Variants in IL1RAPL2 observed in about 807,000 individuals in gnomAD.
The protein encoded by IL1RAPL2 is X-linked interleukin-1 receptor accessory protein-like 2.
IL1RAPL2 carries 3 observed loss-of-function variants against 44.1 expected under a neutral mutation model. That is an observed-to-expected ratio of 0.07 (90% CI 0.03 to 0.18). The LOEUF is 0.18. IL1RAPL2 is among the 10% of genes least tolerant of loss of function. The pLI is 1.00. For synonymous variants in IL1RAPL2, 181 were observed against 178.8 expected (o/e 1.01, Z -0.10); for missense variants, 391 against 496.4 (o/e 0.79, Z 2.02).
At chrX:105,400,954 C>T (rs946811063) in intron 5 of IL1RAPL2, among the ~76,000 whole-genome samples, 1 of 111,799 alleles carries the variant, frequency 8.9e-6, no homozygotes, top group Non-Finnish European at 1.9e-5. Context: ...AAATCTGATA[C>T]TGAGGTACCA....
chrX:105,179,362 T>C (rs1363684435), intron 2 of IL1RAPL2, among the ~76,000 whole-genome samples: 1 of 112,299 alleles, frequency 8.9e-6, no homozygotes, highest in Non-Finnish European at 1.9e-5. Flanking sequence ...TCTATTTGTA[T>C]ACCAGTGTCA....
At chrX:105,016,297 C>T (rs1032944184) in intron 2 of IL1RAPL2, among the ~76,000 whole-genome samples, 4 of 111,248 alleles carry the variant, frequency 3.6e-5, no homozygotes, top group African/African-American at 1.3e-4. Context: ...TGATTGAATA[C>T]CCTTTATTTC....
intron 2 of IL1RAPL2, among the ~76,000 whole-genome samples, chrX:104,775,039 G>A (rs929681940): frequency 1.8e-5 from 2 of 112,234 alleles, no homozygotes; most frequent in South Asian, 3.7e-4. Flanking sequence ...AATGTGCACC[G>A]AGTGTCAGCA....
chrX:105,162,248 A>C (rs2033332485), intron 2 of IL1RAPL2, among the ~76,000 whole-genome samples: 1 of 112,087 alleles, frequency 8.9e-6, no homozygotes, highest in Non-Finnish European at 1.9e-5. Flanking sequence ...TCTACCATCC[A>C]TGACTGCTGT....
At chrX:104,744,540 T>C (rs1365481462) in intron 2 of IL1RAPL2, among the ~76,000 whole-genome samples, 3 of 111,431 alleles carry the variant, frequency 2.7e-5, no homozygotes, top group African/African-American at 9.8e-5. Flanking sequence ...CAGTATATGC[T>C]ATTTATTCAT....
intron 2 of IL1RAPL2, among the ~76,000 whole-genome samples, chrX:104,792,973 T>G (rs1384417721): frequency 8.9e-6 from 1 of 112,320 alleles, no homozygotes; most frequent in Non-Finnish European, 1.9e-5. Context: ...CAAAATTTAT[T>G]AAAAGTTTGA....
chrX:104,631,466 G>C (rs1929648119), intron 1 of IL1RAPL2, among the ~76,000 whole-genome samples: 2 of 111,337 alleles, frequency 1.8e-5, no homozygotes, highest in South Asian at 3.8e-4. Context: ...CAGTGTAAAA[G>C]TGTTCCTATT....
At position 105,651,594 on chromosome X, in the gene IL1RAPL2, C is replaced by T. The variant is rs193072835; in HGVS notation, c.773-65773C>T. Among the ~76,000 whole-genome samples, 4 of 111,611 alleles carry T rather than the reference C, an allele frequency of 3.6e-5. No individual in the cohort carries two copies. The East Asian group carries it at 1.1e-3, about 32-fold the overall frequency. On this transcript the variant is annotated intron_variant, in intron 6 of 10. Transcript: ENST00000372582. Reference sequence around the variant, plus strand: ...TTTGCACTATGTCCCCCAAGGTGCTCATTTTACAATGTGCTATTTGCATTA... The same window carrying T: ...TTTGCACTATGTCCCCCAAGGTGCTTATTTTACAATGTGCTATTTGCATTA...
intron 5 of IL1RAPL2, among the ~76,000 whole-genome samples, chrX:105,355,641 G>C (rs999745041): frequency 2.7e-5 from 3 of 111,092 alleles, no homozygotes; most frequent in African/African-American, 9.8e-5. Context: ...GCACATAGTA[G>C]GTACTCAATA....
intron 5 of IL1RAPL2, among the ~76,000 whole-genome samples, chrX:105,381,398 T>G (rs1203156258): frequency 8.9e-6 from 1 of 111,771 alleles, no homozygotes; most frequent in Non-Finnish European, 1.9e-5. Context: ...TTGGTTATAA[T>G]GCTGAAAACA....
chrX:105,129,337 G>A (rs2033005621), intron 2 of IL1RAPL2, among the ~76,000 whole-genome samples: 1 of 110,528 alleles, frequency 9.0e-6, no homozygotes, highest in African/African-American at 3.3e-5. Flanking sequence ...ACTTTTATAA[G>A]GGCACTAATC....
intron 6 of IL1RAPL2, among the ~76,000 whole-genome samples, chrX:105,684,492 G>A (rs955726289): frequency 3.6e-5 from 4 of 112,519 alleles, no homozygotes; most frequent in East Asian, 2.8e-4. Flanking sequence ...GGCGTCTGCC[G>A]TTGCTGAGGC....
At chrX:104,594,411 T>G (rs1371362348) in intron 1 of IL1RAPL2, among the ~76,000 whole-genome samples, 1 of 111,716 alleles carries the variant, frequency 9.0e-6, no homozygotes, top group Non-Finnish European at 1.9e-5. Context: ...TTGTTTCCAT[T>G]GGTGCTGTCT....
intron 5 of IL1RAPL2, among the ~76,000 whole-genome samples, chrX:105,335,507 A>C (rs773037235): frequency 1.8e-5 from 2 of 110,830 alleles, no homozygotes; most frequent in African/African-American, 3.3e-5. Flanking sequence ...CTCTTGGCCT[A>C]CTCATTTCAA....
At chrX:105,631,489 A>G (rs754907367) in intron 6 of IL1RAPL2, among the ~76,000 whole-genome samples, 3 of 112,618 alleles carry the variant, frequency 2.7e-5, no homozygotes, top group Non-Finnish European at 3.8e-5. Flanking sequence ...TACTTTTCTC[A>G]GAACACAACC....
intron 6 of IL1RAPL2, among the ~76,000 whole-genome samples, chrX:105,716,947 G>A (rs1367418196): frequency 9.0e-6 from 1 of 111,642 alleles, no homozygotes; most frequent in Non-Finnish European, 1.9e-5. Flanking sequence ...AAAATAAACA[G>A]TTTTAAAACC....
rs768591456 is a variant in IL1RAPL2, at chrX:105,370,485, T to C, written c.697+102944T>C. 8.0e-5 allele frequency among the ~76,000 whole-genome samples: 9 copies of C among 112,157 alleles called. No homozygotes were observed. The South Asian group carries it at 3.3e-3, about 42-fold the overall frequency. On this transcript the variant is annotated intron_variant, in intron 5 of 10. Transcript: ENST00000372582. The stretch of plus-strand genomic sequence containing the variant: ...AGTGAGAACATGTGGTATTTGGTTT[T>C]CTTTTCTTGTATTAATTTACTTAGG...
intron 2 of IL1RAPL2, 132 bp downstream of exon 2, chrX:104,659,127 G>A: frequency 2.2e-6 from 1 of 454,651 alleles, no homozygotes; most frequent in Non-Finnish European, 3.9e-6. Flanking sequence ...TTGGAAAGTA[G>A]CCAAAATAAA....
At chrX:105,401,232 A>G (rs2035604618) in intron 5 of IL1RAPL2, among the ~76,000 whole-genome samples, 1 of 111,487 alleles carries the variant, frequency 9.0e-6, no homozygotes, top group Non-Finnish European at 1.9e-5. Context: ...TTCAAAATAT[A>G]GCAATCATCA....
Sources: gnomAD v4.1 joint callset for allele counts (sites outside exome capture counted in the v4.1 genomes callset) on GRCh38, gnomAD v4.1.1 for gene constraint, MANE v1.5 for transcripts, NCBI Gene and HGNC (gene_info 2026-07-23, HGNC 2026-07-21) for gene names.